Variants in ZDHHC17 observed in about 807,000 individuals in gnomAD.
ZDHHC17 encodes zDHHC palmitoyltransferase 17.
Under a neutral mutation model 90.3 loss-of-function variants are expected in ZDHHC17, and 40 were observed. That is an observed-to-expected ratio of 0.44 (90% confidence interval 0.34 to 0.58). The LOEUF (loss-of-function observed/expected upper bound fraction) is 0.58, where lower values mean the gene tolerates loss of function less well. ZDHHC17 is among the 20% of genes least tolerant of loss of function. ZDHHC17 has a pLI of 0.01. For synonymous variants in ZDHHC17, 235 were observed against 252.4 expected (o/e 0.93, Z 0.65); for missense variants, 614 against 780.8 (o/e 0.79, Z 2.55).
chr12:76,822,535 A>G lies in ZDHHC17; in HGVS notation c.897+4A>G. 6.4e-7 allele frequency: 1 copy of G among 1,550,754 alleles called. No homozygotes were observed. On this transcript the variant is annotated splice_donor_region_variant and intron_variant, in intron 8 of 16. Coordinates refer to ENST00000426126, the MANE Select transcript of ZDHHC17 (RefSeq NM_015336.4). ...TAGAAAGCTGAAAGCTGATAAGGTA[A>G]ACTCATAACTGAAGATTTTTTTTTT...
intron 15 of ZDHHC17, 145 bp from the exon 16 acceptor site, chr12:76,849,231 G>A (rs1953533160): frequency 2.3e-6 from 1 of 433,410 alleles, no homozygotes; most frequent in Non-Finnish European, 4.0e-6. Context: ...GTGGGGGGAG[G>A]TGGCGGGGGT....
At chr12:76,779,314 C>T (rs1413404411) in intron 1 of ZDHHC17, among the ~76,000 whole-genome samples, 1 of 152,120 alleles carries the variant, frequency 6.6e-6, no homozygotes, top group African/African-American at 2.4e-5. Context: ...TAAAAACATA[C>T]CCAAGACGGG....
intron 1 of ZDHHC17, among the ~76,000 whole-genome samples, chr12:76,766,904 C>G (rs1245803306): frequency 1.3e-5 from 2 of 151,632 alleles, no homozygotes; most frequent in Admixed American, 1.3e-4. Context: ...CCTGTAGTCC[C>G]AGCTAATCGG....
intron 5 of ZDHHC17, 59 bp downstream of exon 5, chr12:76,809,916 T>A: frequency 6.5e-7 from 1 of 1,538,472 alleles, no homozygotes; most frequent in Non-Finnish European, 8.8e-7. Context: ...TTTAAATGCC[T>A]AATATTATTG....
At chr12:76,824,393 G>T (rs775957180) in intron 8 of ZDHHC17, among the ~76,000 whole-genome samples, 3 of 151,966 alleles carry the variant, frequency 2.0e-5, no homozygotes, top group Non-Finnish European at 4.4e-5. Context: ...AAGGTTGAAA[G>T]TAACCATCAT....
intron 12 of ZDHHC17, among the ~76,000 whole-genome samples, chr12:76,843,357 C>T (rs113921931): frequency 6.6e-6 from 1 of 152,012 alleles, no homozygotes; most frequent in African/African-American, 2.4e-5. Context: ...TTAAAAGCCA[C>T]ATGGGAAAAT....
At chr12:76,798,629 T>C (rs1223445441) in intron 2 of ZDHHC17, among the ~76,000 whole-genome samples, 1 of 152,094 alleles carries the variant, frequency 6.6e-6, no homozygotes, top group Admixed American at 6.6e-5. Context: ...CACTGGATAA[T>C]TTATGAAGAA....
rs766737124 is a variant in ZDHHC17, at chr12:76,850,987, G to A, written c.*2G>A. On this transcript the variant is annotated 3_prime_UTR_variant, in exon 17 of 17. Transcript: ENST00000426126. Reference sequence around the variant, plus strand: ...GGATCTGGGTACCAGCTGGTGTAGCGACATCTTATCCTATGAAGCATATTG... The same window carrying A: ...GGATCTGGGTACCAGCTGGTGTAGCAACATCTTATCCTATGAAGCATATTG... 11 of 1,613,712 alleles carry A rather than the reference G, an allele frequency of 6.8e-6. No individual in the cohort carries two copies. The highest frequency in any genetic ancestry group is 2.2e-5 in the East Asian group (1 of 44,868).
intron 7 of ZDHHC17, among the ~76,000 whole-genome samples, chr12:76,818,816 T>C (rs1487877460): frequency 6.6e-6 from 1 of 152,210 alleles, no homozygotes; most frequent in Non-Finnish European, 1.5e-5. Context: ...TTCTCAGTCA[T>C]GGGAAACATT....
chr12:76,827,078 T>A (rs1474358183), intron 9 of ZDHHC17, 28 bp downstream of exon 9: 2 of 1,535,732 alleles, frequency 1.3e-6, no homozygotes, highest in Non-Finnish European at 1.7e-6. Context: ...AACTATATTT[T>A]AAACTGTACA....
chr12:76,819,291 C>T (rs1953130460), intron 7 of ZDHHC17, among the ~76,000 whole-genome samples: 1 of 152,068 alleles, frequency 6.6e-6, no homozygotes, highest in South Asian at 2.1e-4. Context: ...AAATTGCTGC[C>T]AATTTTGAAA....
At chr12:76,834,774 A>G (rs1160143662) in intron 10 of ZDHHC17, among the ~76,000 whole-genome samples, 1 of 152,158 alleles carries the variant, frequency 6.6e-6, no homozygotes, top group Non-Finnish European at 1.5e-5. Flanking sequence ...TTTTCCCTCC[A>G]TTAGAGAGGT....
At chr12:76,830,871 T>G (rs1291082546) in intron 10 of ZDHHC17, among the ~76,000 whole-genome samples, 3 of 52,442 alleles carry the variant, frequency 5.7e-5, no homozygotes, top group Non-Finnish European at 3.9e-5. Flanking sequence ...AAAATTTCAT[T>G]TTTTTCCTTT....
chr12:76,798,843 A>G lies in ZDHHC17; in HGVS notation c.197+1306A>G, dbSNP rs140403228. ...AACAACCAAATCTCATGAGAACTCT[A>G]TGACAAGAACAGTACCAAAGGGATG... On this transcript the variant is annotated intron_variant, in intron 2 of 16. Coordinates refer to ENST00000426126, the MANE Select transcript of ZDHHC17 (RefSeq NM_015336.4). Among the ~76,000 whole-genome samples the G allele has an allele frequency of 5.4e-3, 821 of 152,298 alleles. 1 individual carries two copies. The highest frequency in any genetic ancestry group is 8.1e-3 in the Non-Finnish European group (550 of 68,012).
intron 10 of ZDHHC17, among the ~76,000 whole-genome samples, chr12:76,833,750 G>A (rs1017178556): frequency 2.0e-5 from 3 of 152,088 alleles, no homozygotes; most frequent in Non-Finnish European, 4.4e-5. Context: ...CCGAGATTGC[G>A]CCACTGCACT....
At chr12:76,798,983 C>A (rs1346476025) in intron 2 of ZDHHC17, among the ~76,000 whole-genome samples, 1 of 152,126 alleles carries the variant, frequency 6.6e-6, no homozygotes, top group Non-Finnish European at 1.5e-5. Context: ...GACACAGATC[C>A]AAACCATGTC....
intron 1 of ZDHHC17, among the ~76,000 whole-genome samples, chr12:76,773,316 A>G (rs1169201173): frequency 6.6e-6 from 1 of 151,962 alleles, no homozygotes; most frequent in Non-Finnish European, 1.5e-5. Context: ...TTTCCAGAGT[A>G]TCTTATAGTT....
At chr12:76,819,660 GT>G (rs1953136382) in intron 7 of ZDHHC17, among the ~76,000 whole-genome samples, 1 of 151,840 alleles carries the variant, frequency 6.6e-6, no homozygotes, top group Admixed American at 6.6e-5. Context: ...ATAAACAAAC[GT>G]TCCTTTATCA....
At chr12:76,845,157 T>G (rs1176622988) in intron 12 of ZDHHC17, 1 of 152,150 alleles carries the variant, frequency 6.6e-6, no homozygotes, top group Non-Finnish European at 1.5e-5. Flanking sequence ...GAAGGCACTT[T>G]ACTGAAGAGA....
Sources: gnomAD v4.1 joint callset for allele counts (sites outside exome capture counted in the v4.1 genomes callset) on GRCh38, gnomAD v4.1.1 for gene constraint, MANE v1.5 for transcripts, NCBI Gene and HGNC (gene_info 2026-07-23, HGNC 2026-07-21) for gene names.